Variants in ENOX1 observed in about 807,000 individuals in gnomAD.
ENOX1 encodes candidate growth-related and time keeping constitutive hydroquinone (NADH) oxidase.
ENOX1 carries 42 observed loss-of-function variants against 82.5 expected under a neutral mutation model. The ratio of observed to expected loss-of-function variants is 0.51; its 90% CI spans 0.40 to 0.66. The LOEUF (loss-of-function observed/expected upper bound fraction) is 0.66, where lower values mean the gene tolerates loss of function less well. Ranked by LOEUF, ENOX1 falls within the 30% of genes least tolerant of loss-of-function variation. ENOX1 has a pLI of 0.00. For synonymous variants in ENOX1, 271 were observed against 282.2 expected, an observed-to-expected ratio of 0.96 and a Z score of 0.40; for missense variants, 608 against 811.6, an observed-to-expected ratio of 0.75 and a Z score of 3.05.
chr13:43,453,030 C>T (rs1395143915), intron 3 of ENOX1, among the ~76,000 whole-genome samples: 1 of 152,208 alleles, frequency 6.6e-6, no homozygotes, highest in Non-Finnish European at 1.5e-5. Flanking sequence ...GCATGGGAAG[C>T]TATGAATGCA....
intron 1 of ENOX1, among the ~76,000 whole-genome samples, chr13:43,707,575 G>A (rs890229170): frequency 1.3e-5 from 2 of 151,690 alleles, no homozygotes; most frequent in Middle Eastern, 3.4e-3. Flanking sequence ...TCTACTAAAA[G>A]TACAAAAATT....
intron 3 of ENOX1, among the ~76,000 whole-genome samples, chr13:43,436,486 G>C (rs182384572): frequency 1.2e-4 from 19 of 152,226 alleles, no homozygotes; most frequent in Admixed American, 1.1e-3. Flanking sequence ...TATATGTTAA[G>C]GGAGCTTTAA....
intron 2 of ENOX1, among the ~76,000 whole-genome samples, chr13:43,497,150 T>G (rs968156772): frequency 6.6e-6 from 1 of 152,174 alleles, no homozygotes. Flanking sequence ...TAAGTTCAAA[T>G]AGATCTTTTT....
chr13:43,485,181 C>T (rs1378457324), intron 2 of ENOX1, among the ~76,000 whole-genome samples: 3 of 152,158 alleles, frequency 2.0e-5, no homozygotes, highest in South Asian at 2.1e-4. Flanking sequence ...TTTCCATTCT[C>T]ATTTTTAGTC....
chr13:43,726,575 A>G (rs2088970391), intron 1 of ENOX1, among the ~76,000 whole-genome samples: 1 of 152,204 alleles, frequency 6.6e-6, no homozygotes, highest in Non-Finnish European at 1.5e-5. Context: ...GCTTTAAAAA[A>G]TGAACTGTTG....
At chr13:43,221,458 G>A (rs1311676012) in intron 16 of ENOX1, among the ~76,000 whole-genome samples, 1 of 152,182 alleles carries the variant, frequency 6.6e-6, no homozygotes, top group Non-Finnish European at 1.5e-5. Context: ...TAAAGAGTTT[G>A]CCTGCTGTGC....
chr13:43,411,389 C>T (rs1369450137), intron 5 of ENOX1, among the ~76,000 whole-genome samples: 1 of 152,124 alleles, frequency 6.6e-6, no homozygotes, highest in Non-Finnish European at 1.5e-5. Context: ...TGAATGCATG[C>T]ATTGTATTAG....
At chr13:43,580,498 T>C (rs1294592295) in intron 2 of ENOX1, among the ~76,000 whole-genome samples, 1 of 152,186 alleles carries the variant, frequency 6.6e-6, no homozygotes, top group African/African-American at 2.4e-5. Context: ...CTCAGGTGAA[T>C]ACCTAAAAAT....
At chr13:43,284,587 G>A (rs917293214) in intron 12 of ENOX1, among the ~76,000 whole-genome samples, 1 of 152,112 alleles carries the variant, frequency 6.6e-6, no homozygotes, top group Non-Finnish European at 1.5e-5. Flanking sequence ...TGAATTAAGA[G>A]AACAAAAGGA....
chr13:43,683,616 C>T (rs1318041641), intron 1 of ENOX1, among the ~76,000 whole-genome samples: 1 of 152,072 alleles, frequency 6.6e-6, no homozygotes, highest in Non-Finnish European at 1.5e-5. Context: ...TCCTCAGAGC[C>T]CCACTCACTC....
At chr13:43,368,602 G>A (rs1477145887) in intron 5 of ENOX1, among the ~76,000 whole-genome samples, 1 of 152,186 alleles carries the variant, frequency 6.6e-6, no homozygotes, top group African/African-American at 2.4e-5. Flanking sequence ...GCAGAGGACT[G>A]GGCTGACACA....
chr13:43,740,938 C>T (rs1200392458), intron 1 of ENOX1, among the ~76,000 whole-genome samples: 1 of 152,126 alleles, frequency 6.6e-6, no homozygotes, highest in Non-Finnish European at 1.5e-5. Flanking sequence ...AATAGTGCTG[C>T]TATAAACATT....
intron 12 of ENOX1, among the ~76,000 whole-genome samples, chr13:43,286,935 C>T (rs2045730090): frequency 6.6e-6 from 1 of 152,160 alleles, no homozygotes; most frequent in South Asian, 2.1e-4. Context: ...AAGGAGGGAA[C>T]TTCTTGTCTT....
intron 2 of ENOX1, among the ~76,000 whole-genome samples, chr13:43,586,927 A>G (rs9567219): frequency 0.53 from 80,111 of 151,234 alleles, 21,213 homozygotes; most frequent in Non-Finnish European, 0.55. Flanking sequence ...AAAAAAATTT[A>G]GCTGGGCGTG....
intron 5 of ENOX1, among the ~76,000 whole-genome samples, chr13:43,389,339 A>G (rs2153580664): frequency 6.6e-6 from 1 of 152,354 alleles, no homozygotes; most frequent in South Asian, 2.1e-4. Context: ...AAAGTAATGG[A>G]AGCAGATGTG....
chr13:43,311,689 C>G (rs6561118), intron 11 of ENOX1, among the ~76,000 whole-genome samples: 145,103 of 152,200 alleles, frequency 0.95, 69,584 homozygotes, highest in East Asian at 1. Context: ...CTTTCAGATC[C>G]AAGTCAGTGT....
intron 11 of ENOX1, among the ~76,000 whole-genome samples, chr13:43,304,052 C>T (rs908766276): frequency 4.6e-5 from 7 of 152,200 alleles, no homozygotes; most frequent in Admixed American, 1.3e-4. Context: ...GTATGAGCCC[C>T]GACTCCATGT....
Position 43,359,912 on chromosome 13 carries a change from C to T in ENOX1, c.528G>A (p.Lys176=), listed in dbSNP as rs1429199878. The T allele has an allele frequency of 2.5e-6, 4 of 1,614,054 alleles. No homozygotes were observed. Among genetic ancestry groups the T allele is most frequent in the Non-Finnish European group, 3.4e-6 (4 of 1,180,032 alleles). Residue 176 remains lysine (K), a synonymous_variant, in exon 7 of 17, where the codon AAG becomes AAA. Transcript: ENST00000690772. ...GDITAIRKSK[K]NFCHIRFAEE... ...CTGCAAAGCGAATGTGACAAAAATT[C>T]TTCTTGCTTTTCCGAATTGCTGTAA... is the stretch of plus-strand genomic sequence containing the variant.
chr13:43,278,394 G>C (rs935854548), intron 12 of ENOX1, among the ~76,000 whole-genome samples: 1 of 152,010 alleles, frequency 6.6e-6, no homozygotes, highest in African/African-American at 2.4e-5. Flanking sequence ...TTCTATACTA[G>C]ATTCAAAATA....
Sources: gnomAD v4.1 joint callset for allele counts (sites outside exome capture counted in the v4.1 genomes callset) on GRCh38, gnomAD v4.1.1 for gene constraint, MANE v1.5 for transcripts, NCBI Gene and HGNC (gene_info 2026-07-23, HGNC 2026-07-21) for gene names.